The following PTPRD variants were observed in gnomAD, a reference collection of about 807,000 sequenced individuals.
PTPRD encodes protein tyrosine phosphatase receptor type D.
In PTPRD, 34 loss-of-function variants were observed where a neutral mutation model predicts 214.5. The ratio of observed to expected loss-of-function variants is 0.16; its 90% CI spans 0.12 to 0.21. The LOEUF (loss-of-function observed/expected upper bound fraction) is 0.21, where lower values mean the gene tolerates loss of function less well. PTPRD is among the 10% of genes least tolerant of loss of function. PTPRD has a pLI of 1.00. For missense variants in PTPRD, 2,545 were observed against 2,398.7 expected, an observed-to-expected ratio of 1.06 and a Z score of -1.27; for synonymous variants, 1,128 against 845.7, an observed-to-expected ratio of 1.33 and a Z score of -5.79.
At chr9:8,713,895 G>GA (rs149237265) in intron 12 of PTPRD, 15,714 of 661,492 alleles carry the variant, frequency 0.024, no homozygotes, top group East Asian at 0.03. Flanking sequence ...CGCCCCGGTG[G>GA]AAAAAAAAAA....
At chr9:9,781,944 T>C (rs867218458) in intron 5 of PTPRD, among the ~76,000 whole-genome samples, 11 of 151,880 alleles carry the variant, frequency 7.2e-5, no homozygotes, top group Admixed American at 1.3e-4. Flanking sequence ...AGGCGCCCAC[T>C]ACCACGCCCG....
intron 2 of PTPRD, among the ~76,000 whole-genome samples, chr9:10,387,524 C>A (rs976754688): frequency 1.3e-5 from 2 of 151,812 alleles, no homozygotes; most frequent in African/African-American, 4.8e-5. Flanking sequence ...TGGCAATGGA[C>A]CTGGCCTCGC....
chr9:10,132,776 T>C (rs955883243), intron 3 of PTPRD, among the ~76,000 whole-genome samples: 4 of 152,146 alleles, frequency 2.6e-5, no homozygotes, highest in Non-Finnish European at 5.9e-5. Context: ...ATGAGGTAAA[T>C]ATAATCTGCA....
intron 3 of PTPRD, among the ~76,000 whole-genome samples, chr9:10,277,848 A>G (rs1337935309): frequency 6.6e-6 from 1 of 152,048 alleles, no homozygotes; most frequent in South Asian, 2.1e-4. Context: ...GGCTGAGTGC[A>G]TTAGGGATAC....
chr9:8,414,944 A>G (rs1378834381), intron 35 of PTPRD, among the ~76,000 whole-genome samples: 1 of 144,096 alleles, frequency 6.9e-6, no homozygotes, highest in Non-Finnish European at 1.5e-5. Context: ...AGAGAGAGAG[A>G]GAGAGAGAGA....
intron 2 of PTPRD, among the ~76,000 whole-genome samples, chr9:10,509,557 T>TTATATATAAATATATATATATATA (rs2047270348): frequency 9.4e-6 from 1 of 106,690 alleles, no homozygotes; most frequent in Non-Finnish European, 1.8e-5. Flanking sequence ...TTAATAAATA[T>TTATATATAAATATATATATATATA]TATATATATA....
intron 3 of PTPRD, among the ~76,000 whole-genome samples, chr9:10,198,609 T>C (rs984227143): frequency 6.6e-6 from 1 of 152,046 alleles, no homozygotes; most frequent in Non-Finnish European, 1.5e-5. Flanking sequence ...AAAGGTAACA[T>C]TGAAAGGATA....
rs538060918 is a variant in PTPRD, at chr9:9,764,991, A to G, written c.-326+1819T>C. Among the ~76,000 whole-genome samples, 31 of 152,290 alleles carry G rather than the reference A, an allele frequency of 2.0e-4. No homozygotes were observed. In the South Asian group the frequency reaches 2.3e-3, roughly 11 times the overall value. ...GATTATTTGCATTGTGCTATGTTTG[A>G]TTAAGTCCCTGCCAAATGTCATGCC... On this transcript the variant is annotated intron_variant, in intron 6 of 45. Coordinates refer to ENST00000381196, the MANE Select transcript of PTPRD (RefSeq NM_002839.4).
chr9:8,508,821 G>C (rs2097595365), intron 21 of PTPRD, among the ~76,000 whole-genome samples: 1 of 151,690 alleles, frequency 6.6e-6, no homozygotes, highest in Non-Finnish European at 1.5e-5. Flanking sequence ...AGAATGATTT[G>C]TAGAATTCCT....
chr9:10,292,509 T>C (rs2095555730), intron 3 of PTPRD, among the ~76,000 whole-genome samples: 1 of 152,028 alleles, frequency 6.6e-6, no homozygotes, highest in Non-Finnish European at 1.5e-5. Flanking sequence ...ACAGCCTAGA[T>C]ATCAGAGTGA....
chr9:8,349,306 G>T (rs2074763247), intron 39 of PTPRD, among the ~76,000 whole-genome samples: 1 of 152,010 alleles, frequency 6.6e-6, no homozygotes, highest in African/African-American at 2.4e-5. Context: ...GCTTTTAAAA[G>T]TATCCCAGCC....
chr9:8,496,893 C>A (rs374524159), intron 26 of PTPRD, among the ~76,000 whole-genome samples: 1 of 152,090 alleles, frequency 6.6e-6, no homozygotes, highest in East Asian at 1.9e-4. Flanking sequence ...TATGTGTGGT[C>A]CAAGACCATT....
intron 10 of PTPRD, among the ~76,000 whole-genome samples, chr9:9,078,207 T>C (rs534812882): frequency 6.6e-5 from 10 of 152,242 alleles, no homozygotes; most frequent in African/African-American, 2.4e-4. Context: ...TATGTAAACG[T>C]CATTAATTAT....
chr9:8,413,214 T>C (rs2093661068), intron 35 of PTPRD, among the ~76,000 whole-genome samples: 1 of 152,236 alleles, frequency 6.6e-6, no homozygotes, highest in South Asian at 2.1e-4. Flanking sequence ...ATCATTGCTT[T>C]GCTTGTCATT....
At chr9:8,833,188 T>C (rs2097334448) in intron 11 of PTPRD, among the ~76,000 whole-genome samples, 1 of 152,158 alleles carries the variant, frequency 6.6e-6, no homozygotes, top group African/African-American at 2.4e-5. Context: ...TTTTCTCTTC[T>C]GACTCATTGT....
Position 8,636,682 on chromosome 9 carries a change from A to C in PTPRD, c.210+17T>G. 6.2e-7 allele frequency: 1 copy of C among 1,612,978 alleles called. No homozygotes were observed. The highest frequency in any genetic ancestry group is 8.5e-7 in the Non-Finnish European group (1 of 1,179,054). On this transcript the variant is annotated intron_variant, in intron 13 of 45. Coordinates refer to ENST00000381196, the MANE Select transcript of PTPRD (RefSeq NM_002839.4). ...ATACATTCTTCCCCCAGAGAAACAG[A>C]ACAATGGACCTAATACCTCAAATCT...
At position 8,577,959 on chromosome 9, in the gene PTPRD, G is replaced by C. The variant is rs576967202; in HGVS notation, c.353-49180C>G. Among the ~76,000 whole-genome samples, 320 of 152,206 alleles carry C rather than the reference G, an allele frequency of 2.1e-3. 4 individuals are homozygous for C. Among genetic ancestry groups the C allele is most frequent in the Non-Finnish European group, 3.3e-3 (222 of 68,010 alleles). On this transcript the variant is annotated intron_variant, in intron 14 of 45. Coordinates refer to ENST00000381196, the MANE Select transcript of PTPRD (RefSeq NM_002839.4). ...TGTCCATCAGTCTCTACACATAATT[G>C]AGAAGGACTTTGATGGTTTTCATCT... is the stretch of plus-strand genomic sequence containing the variant.
At chr9:8,455,122 C>T (rs2096136409) in intron 33 of PTPRD, among the ~76,000 whole-genome samples, 1 of 152,118 alleles carries the variant, frequency 6.6e-6, no homozygotes, top group African/African-American at 2.4e-5. Context: ...TTGAATAATA[C>T]ACCAAAAGGT....
intron 35 of PTPRD, among the ~76,000 whole-genome samples, chr9:8,414,951 GA>G (rs2093811308): frequency 1.3e-5 from 2 of 148,820 alleles, no homozygotes; most frequent in African/African-American, 2.5e-5. Context: ...GAGAGAGAGA[GA>G]GAGAGAGAGA....
Sources: gnomAD v4.1 joint callset for allele counts (sites outside exome capture counted in the v4.1 genomes callset) on GRCh38, gnomAD v4.1.1 for gene constraint, MANE v1.5 for transcripts, NCBI Gene and HGNC (gene_info 2026-07-23, HGNC 2026-07-21) for gene names.